GAS7: variants seen among roughly 807,000 people sequenced by gnomAD.
GAS7 encodes the protein growth arrest specific 7, also known as growth arrest-specific protein 7.
A neutral mutation model predicts 71.1 loss-of-function variants in GAS7; 28 were observed. That is an observed-to-expected ratio of 0.39 (90% confidence interval 0.29 to 0.54). GAS7 has a LOEUF of 0.54. Among genes scored for constraint, GAS7 ranks in the 20% least tolerant of loss-of-function variants. The pLI, the probability that GAS7 is intolerant of heterozygous loss-of-function variation, is 0.62. For missense variants in GAS7, 436 were observed against 627.8 expected, an observed-to-expected ratio of 0.69 and a Z score of 3.27; for synonymous variants, 258 against 245.8, an observed-to-expected ratio of 1.05 and a Z score of -0.46.
chr17:9,995,478 T>TA (rs1231472008), intron 2 of GAS7, among the ~76,000 whole-genome samples: 5 of 149,230 alleles, frequency 3.4e-5, no homozygotes, highest in African/African-American at 1.2e-4. Flanking sequence ...CAGCCCAGTT[T>TA]AAAAAGAGCA....
intron 4 of GAS7, among the ~76,000 whole-genome samples, chr17:9,963,737 T>C (rs980308548): frequency 1.3e-5 from 2 of 152,088 alleles, no homozygotes; most frequent in Non-Finnish European, 2.9e-5. Flanking sequence ...ATCTCTCTCT[T>C]TTTTCTTTCT....
At chr17:10,036,519 A>C (rs552583473) in intron 1 of GAS7, 4 of 1,607,688 alleles carry the variant, frequency 2.5e-6, no homozygotes, top group Admixed American at 1.7e-5. Flanking sequence ...ACTCAGCACC[A>C]AGACTCCGCC....
chr17:10,030,613 A>G (rs749113469), intron 1 of GAS7, among the ~76,000 whole-genome samples: 25 of 152,282 alleles, frequency 1.6e-4, no homozygotes, highest in Non-Finnish European at 3.4e-4. Context: ...TCTGTGTGTC[A>G]CCTCAAACCC....
chr17:10,195,194 T>C (rs1597848533), intron 1 of GAS7, among the ~76,000 whole-genome samples: 2 of 152,092 alleles, frequency 1.3e-5, no homozygotes, highest in South Asian at 2.1e-4. Context: ...ACCAAAGAGA[T>C]TGCCCCAAAA....
chr17:10,046,790 AAGGAAGGAAGG>A (rs2072969503), intron 1 of GAS7, among the ~76,000 whole-genome samples: 3 of 36,264 alleles, frequency 8.3e-5, no homozygotes, highest in Non-Finnish European at 1.8e-4. Context: ...GAAAGAAAGG[AAGGAAGGAAGG>A]AAGGAAGGAA....
chr17:9,918,611 T>C (rs1187143326), intron 12 of GAS7, among the ~76,000 whole-genome samples: 1 of 152,208 alleles, frequency 6.6e-6, no homozygotes, highest in Non-Finnish European at 1.5e-5. Flanking sequence ...CCTGGGACCT[T>C]GTCCCTGGGC....
intron 4 of GAS7, among the ~76,000 whole-genome samples, chr17:9,966,159 C>T (rs979416457): frequency 2.0e-5 from 3 of 151,946 alleles, no homozygotes; most frequent in Non-Finnish European, 4.4e-5. Context: ...CCACCACGCC[C>T]GGCTAATTTT....
intron 1 of GAS7, among the ~76,000 whole-genome samples, chr17:10,094,183 G>T (rs2073617778): frequency 6.6e-6 from 1 of 152,188 alleles, no homozygotes. Flanking sequence ...CAGCTTGCAG[G>T]CCCCAGGCAC....
At chr17:9,961,852 C>T (rs938495194) in intron 4 of GAS7, among the ~76,000 whole-genome samples, 2 of 152,156 alleles carry the variant, frequency 1.3e-5, no homozygotes, top group East Asian at 3.8e-4. Flanking sequence ...ATAACTCTTT[C>T]CTCTATCTTC....
rs778281299 is a variant in GAS7 at position 9,917,302 on chromosome 17, G to C, written c.1357C>G (p.Pro453Ala). The change falls in exon 14 of 14, where the codon CCG (proline) becomes GCG (alanine). Residue 453 changes from proline (P) to alanine (A), a missense_variant. By Grantham distance (27) the Pro-to-Ala change is conservative (BLOSUM62 -1). Coordinates refer to ENST00000432992, the MANE Select transcript of GAS7 (RefSeq NM_201433.2). ...PVDQLLRKVDPAKDRELWVRE... is the reference protein window; with the variant it reads ...PVDQLLRKVDAAKDRELWVRE... ...ACCCACAGCTCCCTGTCTTTGGCCG[G>C]GTCCACTTTTCGAAGCAGCTGATCC... is the stretch of plus-strand genomic sequence containing the variant. 1.2e-5 allele frequency: 19 copies of C among 1,613,942 alleles called. No homozygotes were observed. Among genetic ancestry groups the C allele is most frequent in the Admixed American group, 5.0e-5 (3 of 60,008 alleles).
intron 1 of GAS7, among the ~76,000 whole-genome samples, chr17:10,086,850 T>A (rs898197261): frequency 6.6e-6 from 1 of 152,016 alleles, no homozygotes; most frequent in Admixed American, 6.6e-5. Context: ...TCACAGATAA[T>A]GATACTGGAG....
At chr17:9,953,629 G>A (rs895278293) in intron 5 of GAS7, among the ~76,000 whole-genome samples, 4 of 152,246 alleles carry the variant, frequency 2.6e-5, no homozygotes, top group Non-Finnish European at 5.9e-5. Flanking sequence ...CCTCGACCAC[G>A]AAGCTATGTG....
chr17:10,052,354 TA>T (rs1272361675), intron 1 of GAS7, among the ~76,000 whole-genome samples: 1 of 152,024 alleles, frequency 6.6e-6, no homozygotes, highest in Non-Finnish European at 1.5e-5. Context: ...GATAATCAGG[TA>T]GAAGGTAACA....
intron 11 of GAS7, among the ~76,000 whole-genome samples, chr17:9,920,195 G>GTA (rs2067755587): frequency 6.6e-6 from 1 of 152,094 alleles, no homozygotes; most frequent in African/African-American, 2.4e-5. Flanking sequence ...GTGTGTGTGT[G>GTA]TGTGTGTGCA....
chr17:10,175,180 A>T (rs2074364324), intron 1 of GAS7, among the ~76,000 whole-genome samples: 1 of 150,400 alleles, frequency 6.6e-6, no homozygotes, highest in Non-Finnish European at 1.5e-5. Context: ...AAGGTAAAGA[A>T]GTGAACTATA....
At chr17:9,968,004 A>G (rs760556615) in intron 4 of GAS7, among the ~76,000 whole-genome samples, 1 of 152,234 alleles carries the variant, frequency 6.6e-6, no homozygotes, top group Non-Finnish European at 1.5e-5. Flanking sequence ...CAGGGAAGAA[A>G]GAATGATTTT....
intron 1 of GAS7, among the ~76,000 whole-genome samples, chr17:10,183,469 A>AGT (rs2074430814): frequency 6.6e-6 from 1 of 152,144 alleles, no homozygotes; most frequent in Admixed American, 6.6e-5. Flanking sequence ...GCACTTACAG[A>AGT]GTGTGTGTGT....
intron 5 of GAS7, among the ~76,000 whole-genome samples, chr17:9,950,064 A>T (rs952677690): frequency 2.0e-5 from 3 of 151,924 alleles, no homozygotes; most frequent in African/African-American, 7.2e-5. Flanking sequence ...GGATTTCACC[A>T]CGTTGGCCAG....
intron 1 of GAS7, among the ~76,000 whole-genome samples, chr17:10,084,794 G>A (rs16959286): frequency 0.017 from 2,638 of 152,134 alleles, 63 homozygotes; most frequent in African/African-American, 0.06. Flanking sequence ...ATAGCAGCCC[G>A]CTCTTTTTTA....
Sources: gnomAD v4.1 joint callset for allele counts (sites outside exome capture counted in the v4.1 genomes callset) on GRCh38, gnomAD v4.1.1 for gene constraint, MANE v1.5 for transcripts, NCBI Gene and HGNC (gene_info 2026-07-23, HGNC 2026-07-21) for gene names.